Variants in AGBL4 observed in about 807,000 individuals in gnomAD.
The protein encoded by AGBL4 is cytosolic carboxypeptidase 6.
AGBL4 carries 58 observed loss-of-function variants against 66.4 expected under a neutral mutation model. The observed-to-expected ratio is 0.87, with a 90% CI of 0.71 to 1.09. The LOEUF is 1.09. Ranked by LOEUF, AGBL4 falls within the 50% of genes least tolerant of loss-of-function variation. The pLI is 0.00. For synonymous variants in AGBL4, 234 were observed against 222.9 expected (o/e 1.05, Z -0.44); for missense variants, 579 against 631.0 (o/e 0.92, Z 0.88).
chr1:48,954,747 C>A (rs898711695), intron 5 of AGBL4, among the ~76,000 whole-genome samples: 2 of 152,132 alleles, frequency 1.3e-5, no homozygotes, highest in Non-Finnish European at 2.9e-5. Context: ...TATATGACTA[C>A]CTTTCCTTGC....
chr1:49,724,928 A>G lies in AGBL4; in HGVS notation c.158-27491T>C, dbSNP rs1648901944. ...GAAAATAAATTTCTGTTGTATAAGC[A>G]TGCAGTCCATGGTATTTTGTTATGA... On this transcript the variant is annotated intron_variant, in intron 2 of 13. Transcript: ENST00000371839. Among the ~76,000 whole-genome samples the G allele has an allele frequency of 3.3e-5, 5 of 152,070 alleles. No individual in the cohort carries two copies. The Middle Eastern group carries it at 0.01, about 310-fold the overall frequency.
intron 3 of AGBL4, among the ~76,000 whole-genome samples, chr1:49,624,834 T>A (rs911054004): frequency 1.3e-5 from 2 of 152,224 alleles, no homozygotes; most frequent in African/African-American, 4.8e-5. Context: ...ATTCCTTATA[T>A]TTTTTAAAGC....
At chr1:48,575,762 T>C (rs1010346621) in intron 11 of AGBL4, among the ~76,000 whole-genome samples, 1 of 152,224 alleles carries the variant, frequency 6.6e-6, no homozygotes, top group Non-Finnish European at 1.5e-5. Context: ...GATGCTTCTT[T>C]TCTCCATGTC....
In AGBL4 at chr1:48,590,893, C is replaced by G. The variant is rs1206007095; in HGVS notation, c.1044G>C (p.Arg348=). 7 of 1,608,440 alleles carry G rather than the reference C, an allele frequency of 4.4e-6. No homozygotes were observed. In the East Asian group the frequency reaches 1.6e-4, roughly 36 times the overall value. The change falls in exon 10 of 14, where the codon CGG becomes CGC. Residue 348 remains arginine (R), a synonymous_variant. Coordinates refer to ENST00000371839, the MANE Select transcript of AGBL4 (RefSeq NM_032785.4). ...MYGNIFEDEE[R]FQRQAIFPKL... ...TGGGAAAAATGGCCTGCCTCTGGAA[C>G]CGTTCCTCATCCTCAAAGATGTTGC...
rs536004002 is a variant in AGBL4 at position 49,115,356 on chromosome 1, T to G, written c.378-69556A>C. ...CTACTGAAAAGAGAATATTATAAAA[T>G]TCTATGGTGTAGTTTTAGGAACGGA... On this transcript the variant is annotated intron_variant, in intron 4 of 13. Transcript: ENST00000371839. Among the ~76,000 whole-genome samples the G allele has an allele frequency of 2.6e-5, 4 of 152,310 alleles. No individual in the cohort carries two copies. In the South Asian group the frequency reaches 8.3e-4, roughly 32 times the overall value.
chr1:49,837,065 T>C (rs1645869458), intron 2 of AGBL4, among the ~76,000 whole-genome samples: 1 of 152,218 alleles, frequency 6.6e-6, no homozygotes, highest in Non-Finnish European at 1.5e-5. Context: ...GTCTGCCCCT[T>C]AGCAGAGCTC....
intron 5 of AGBL4, among the ~76,000 whole-genome samples, chr1:48,925,129 T>G (rs2148896204): frequency 6.8e-6 from 1 of 146,562 alleles, no homozygotes; most frequent in African/African-American, 2.5e-5. Flanking sequence ...CTGAGGACCA[T>G]CTGTATATAT....
intron 1 of AGBL4, among the ~76,000 whole-genome samples, chr1:49,916,608 T>C (rs148863313): frequency 3.9e-5 from 6 of 152,316 alleles, no homozygotes; most frequent in East Asian, 1.9e-4. Flanking sequence ...CTACGTCTGA[T>C]TGGTATACCT....
At chr1:48,534,473 G>A (rs1643937489) in intron 13 of AGBL4, among the ~76,000 whole-genome samples, 180 bp from the exon 14 acceptor site, 1 of 152,182 alleles carries the variant, frequency 6.6e-6, no homozygotes, top group Non-Finnish European at 1.5e-5. Context: ...CTGTCTTCAA[G>A]TTGCTTATAG....
At chr1:48,570,512 G>C (rs1344615504) in intron 11 of AGBL4, among the ~76,000 whole-genome samples, 1 of 152,090 alleles carries the variant, frequency 6.6e-6, no homozygotes, top group East Asian at 1.9e-4. Flanking sequence ...ATACAAGTTT[G>C]GTGACTCCAG....
At chr1:49,774,522 T>G (rs549315890) in intron 2 of AGBL4, among the ~76,000 whole-genome samples, 25 of 152,228 alleles carry the variant, frequency 1.6e-4, no homozygotes, top group Non-Finnish European at 3.1e-4. Flanking sequence ...GCCACTGTAG[T>G]CTGCTGTCTT....
In AGBL4 at chr1:49,439,185, A is replaced by G. The variant is rs138507959; in HGVS notation, c.283-193321T>C. Among the ~76,000 whole-genome samples the G allele has an allele frequency of 1.5e-3, 228 of 152,286 alleles. 2 individuals carry two copies. Among genetic ancestry groups the G allele is most frequent in the African/African-American group, 5.3e-3 (219 of 41,570 alleles). On this transcript the variant is annotated intron_variant, in intron 3 of 13. Coordinates refer to ENST00000371839, the MANE Select transcript of AGBL4 (RefSeq NM_032785.4). ...GATAGATCAGTGGGAGTTTGCTAGG[A>G]GATGAACGTAAAAGAAAGCAAGGAA...
intron 1 of AGBL4, among the ~76,000 whole-genome samples, chr1:49,925,849 C>T (rs1253763019): frequency 1.3e-5 from 2 of 152,188 alleles, no homozygotes; most frequent in Admixed American, 6.5e-5. Flanking sequence ...GATGCCAGCT[C>T]AGCCACAGTA....
chr1:49,679,974 T>C (rs1270230143), intron 3 of AGBL4, among the ~76,000 whole-genome samples: 2 of 151,968 alleles, frequency 1.3e-5, no homozygotes, highest in African/African-American at 4.8e-5. Context: ...AAGAACAGAG[T>C]AGAAGAAACA....
chr1:49,469,848 T>G (rs191997270), intron 3 of AGBL4: 1 of 151,944 alleles, frequency 6.6e-6, no homozygotes, highest in African/African-American at 2.4e-5. Flanking sequence ...CCATTTTATC[T>G]TTTAATTTCA....
intron 2 of AGBL4, among the ~76,000 whole-genome samples, chr1:49,736,566 A>G (rs1046972269): frequency 2.6e-5 from 4 of 152,148 alleles, no homozygotes; most frequent in African/African-American, 9.6e-5. Flanking sequence ...AGCATACTAA[A>G]CCTTTGGGAT....
chr1:49,554,397 G>C lies in AGBL4; in HGVS notation c.282+142916C>G, dbSNP rs557263038. Among the ~76,000 whole-genome samples the C allele has an allele frequency of 3.1e-3, 468 of 152,168 alleles. 12 individuals carry two copies. The South Asian group carries it at 0.064, about 21-fold the overall frequency. On this transcript the variant is annotated intron_variant, in intron 3 of 13. Transcript: ENST00000371839. The stretch of plus-strand genomic sequence containing the variant: ...CACATTTTTTTTTATACTGAGCACA[G>C]ATAAAAGGTTTTAAAATTTCAGCTT...
At chr1:48,595,120 G>T (rs571364208) in intron 9 of AGBL4, among the ~76,000 whole-genome samples, 2 of 152,100 alleles carry the variant, frequency 1.3e-5, no homozygotes, top group Non-Finnish European at 2.9e-5. Flanking sequence ...AATTCAAAAA[G>T]CCTTATTTTA....
intron 1 of AGBL4, chr1:49,995,171 TA>T: frequency 2.2e-6 from 1 of 456,180 alleles, no homozygotes; most frequent in Non-Finnish European, 4.4e-6. Context: ...GGAGAGAAGA[TA>T]CAGCACAGAA....
Sources: gnomAD v4.1 joint callset for allele counts (sites outside exome capture counted in the v4.1 genomes callset) on GRCh38, gnomAD v4.1.1 for gene constraint, MANE v1.5 for transcripts, NCBI Gene and HGNC (gene_info 2026-07-23, HGNC 2026-07-21) for gene names.